ENTREP3: variants seen among roughly 807,000 people sequenced by gnomAD.
ENTREP3 encodes the protein protein ENTREP3.
the ENTREP3 span, among the ~76,000 whole-genome samples, chr1:155,250,023 A>G: frequency 8.2e-3 from 1,243 of 151,500 alleles, 21 homozygotes; most frequent in African/African-American, 0.029. The surrounding 1 kb of genome is among the most constrained non-coding windows in gnomAD (Gnocchi z 5.4). Flanking sequence ...ATGCCACTGC[A>G]CTCCAGCCTG....
chr1:155,250,400 GCGA>G, the ENTREP3 span: 1 of 1,473,080 alleles, frequency 6.8e-7, no homozygotes. The surrounding 1 kb of genome is among the most constrained non-coding windows in gnomAD (Gnocchi z 5.4). Flanking sequence ...TATCGCTGAA[GCGA>G]CGAGTCGGGG....
At chr1:155,249,142 C>T in the ENTREP3 span, among the ~76,000 whole-genome samples, 1 of 151,908 alleles carries the variant, frequency 6.6e-6, no homozygotes, top group South Asian at 2.1e-4. Flanking sequence ...GGCTGGAGTG[C>T]AGTGGCATGA....
the ENTREP3 span, chr1:155,254,433 G>A: frequency 6.8e-6 from 11 of 1,614,190 alleles, no homozygotes; most frequent in Non-Finnish European, 9.3e-6. This position sits in a 1 kb window ranked among gnomAD's most constrained non-coding sequence, Gnocchi z 4.4. Context: ...AGGACACAAT[G>A]CCAACCACCC....
At chr1:155,254,897 G>T in the ENTREP3 span, 1 of 1,541,128 alleles carries the variant, frequency 6.5e-7, no homozygotes. The surrounding 1 kb of genome is among the most constrained non-coding windows in gnomAD (Gnocchi z 4.4). Flanking sequence ...CCGGTTGCCT[G>T]CGCCTCGCTC....
At chr1:155,252,109 A>G in the ENTREP3 span, 1 of 455,214 alleles carries the variant, frequency 2.2e-6, no homozygotes, top group East Asian at 3.5e-5. Flanking sequence ...CTGCCCACCC[A>G]CAAATTCCTC....
chr1:155,255,134 G>C, the ENTREP3 span: 1 of 580,544 alleles, frequency 1.7e-6, no homozygotes, highest in South Asian at 2.0e-5. The surrounding 1 kb of genome is among the most constrained non-coding windows in gnomAD (Gnocchi z 5.6). Flanking sequence ...CGACGATGAG[G>C]ACGCGGGGGC....
the ENTREP3 span, among the ~76,000 whole-genome samples, chr1:155,249,907 T>A: frequency 5.6e-4 from 75 of 132,974 alleles, no homozygotes; most frequent in Admixed American, 7.6e-4. Context: ...AAAAAAAAAA[T>A]ATTAGCCGGT....
At chr1:155,247,283 C>A in the ENTREP3 span, 1 of 405,996 alleles carries the variant, frequency 2.5e-6, no homozygotes, top group South Asian at 1.7e-5. Flanking sequence ...ATTCTACCTT[C>A]ACAGTCTTTA....
At chr1:155,252,050 A>C in the ENTREP3 span, 3 of 568,232 alleles carry the variant, frequency 5.3e-6, no homozygotes, top group Non-Finnish European at 5.9e-6. Flanking sequence ...CCTCACCCAA[A>C]ATCAGCTCTC....
the ENTREP3 span, chr1:155,254,645 C>G: frequency 6.2e-7 from 1 of 1,605,916 alleles, no homozygotes; most frequent in Non-Finnish European, 8.5e-7. This position sits in a 1 kb window ranked among gnomAD's most constrained non-coding sequence, Gnocchi z 4.4. Flanking sequence ...ACTGTGCACC[C>G]AACTCACCGA....
chr1:155,253,720 T>C, the ENTREP3 span: 2 of 1,609,204 alleles, frequency 1.2e-6, no homozygotes, highest in Admixed American at 3.4e-5. Flanking sequence ...CCACAGACGC[T>C]GAAGAGCAGG....
the ENTREP3 span, chr1:155,252,201 T>G: frequency 6.1e-6 from 2 of 327,812 alleles, no homozygotes; most frequent in East Asian, 5.0e-5. Flanking sequence ...CACCTCCATC[T>G]AGGACCTTCT....
At chr1:155,250,753 C>T in the ENTREP3 span, 1 of 1,612,608 alleles carries the variant, frequency 6.2e-7, no homozygotes, top group Non-Finnish European at 8.5e-7. The surrounding 1 kb of genome is among the most constrained non-coding windows in gnomAD (Gnocchi z 5.4). Flanking sequence ...CACGAGTCCT[C>T]CGACGGGCTA....
chr1:155,254,973 C>G, the ENTREP3 span: 1 of 984,670 alleles, frequency 1.0e-6, no homozygotes, highest in Non-Finnish European at 1.5e-6. This position sits in a 1 kb window ranked among gnomAD's most constrained non-coding sequence, Gnocchi z 4.4. Flanking sequence ...CCTCTCCACC[C>G]CACTCGCTCT....
At chr1:155,253,722 A>T in the ENTREP3 span, 13 of 1,609,590 alleles carry the variant, frequency 8.1e-6, no homozygotes, top group East Asian at 2.9e-4. Flanking sequence ...ACAGACGCTG[A>T]AGAGCAGGTT....
At chr1:155,252,690 G>GTATATATA in the ENTREP3 span, 2 of 32,880 alleles carry the variant, frequency 6.1e-5, no homozygotes, top group Middle Eastern at 0.024. Flanking sequence ...AATTTTGTGT[G>GTATATATA]TATATATATA....
At chr1:155,254,238 G>A in the ENTREP3 span, 1 of 1,528,376 alleles carries the variant, frequency 6.5e-7, no homozygotes, top group Non-Finnish European at 9.1e-7. This position sits in a 1 kb window ranked among gnomAD's most constrained non-coding sequence, Gnocchi z 4.4. Flanking sequence ...ACCCTCATGA[G>A]TACTCCTCTG....
At chr1:155,248,611 T>G in the ENTREP3 span, 4 of 708,210 alleles carry the variant, frequency 5.6e-6, no homozygotes, top group Non-Finnish European at 1.0e-5. Flanking sequence ...CCAGCATCTC[T>G]GTCCATATTA....
chr1:155,248,076 C>T, the ENTREP3 span: 1 of 1,614,264 alleles, frequency 6.2e-7, no homozygotes, highest in Non-Finnish European at 8.5e-7. Context: ...GCTCCAGTCC[C>T]ACTGGGGTCT....
Sources: gnomAD v4.1 joint callset for allele counts (sites outside exome capture counted in the v4.1 genomes callset) on GRCh38, gnomAD v4.1.1 for gene constraint, Gnocchi (gnomAD v3.1) non-coding constraint, MANE v1.5 for transcripts, NCBI Gene and HGNC (gene_info 2026-07-23, HGNC 2026-07-21) for gene names.